Variants in TBC1D21 observed in about 807,000 individuals in gnomAD.
TBC1D21 encodes the protein TBC1 domain family member 21, also known as male germ cell Rab GTPase-activating protein.
Under a neutral mutation model 46.0 loss-of-function variants are expected in TBC1D21, and 38 were observed. The ratio of observed to expected loss-of-function variants is 0.83; its 90% CI spans 0.64 to 1.08. The LOEUF (loss-of-function observed/expected upper bound fraction) is 1.08. Among genes scored for constraint, TBC1D21 ranks in the 50% least tolerant of loss-of-function variants. The pLI is 0.00. For synonymous variants in TBC1D21, 151 were observed against 157.2 expected (o/e 0.96, Z 0.29); for missense variants, 415 against 417.9 (o/e 0.99, Z 0.06).
chr15:73,886,684 T>G (rs2068253168), intron 8 of TBC1D21, 72 bp downstream of exon 8: 4 of 1,387,284 alleles, frequency 2.9e-6, no homozygotes, highest in Middle Eastern at 2.4e-4. Context: ...CAAGTCTTCC[T>G]TGCCTCCCCC....
Position 73,873,674 on chromosome 15 carries a change from T to C in TBC1D21, c.-36T>C, listed in dbSNP as rs375394745. 3.2e-6 allele frequency: 5 copies of C among 1,584,402 alleles called. No individual in the cohort carries two copies. In the African/African-American group the frequency reaches 5.4e-5, roughly 17 times the overall value. On this transcript the variant is annotated 5_prime_UTR_variant, in exon 1 of 11. Transcript: ENST00000300504. ...AAGCATCACTAGGGCTCCAAGTGAGTTCTGATCAGAGGCTGTTCGGAAGAC... is the reference window on the plus strand; with the variant it reads ...AAGCATCACTAGGGCTCCAAGTGAGCTCTGATCAGAGGCTGTTCGGAAGAC...
At chr15:73,883,792 A>G (rs1439001237) in intron 3 of TBC1D21, among the ~76,000 whole-genome samples, 1 of 152,224 alleles carries the variant, frequency 6.6e-6, no homozygotes, top group Non-Finnish European at 1.5e-5. Flanking sequence ...CACAGGTGCC[A>G]GTATTATGCC....
chr15:73,907,361 C>T, the TBC1D21 span, among the ~76,000 whole-genome samples: 1 of 152,172 alleles, frequency 6.6e-6, no homozygotes. Context: ...GTGGGGTCTG[C>T]ATGGAAGGAA....
chr15:73,901,253 C>T, the TBC1D21 span, among the ~76,000 whole-genome samples: 156 of 152,310 alleles, frequency 1.0e-3, no homozygotes, highest in South Asian at 5.0e-3. Flanking sequence ...AGCCACATCC[C>T]CTGCACAGGG....
chr15:73,889,258 C>T (rs771447884), downstream of TBC1D21: 39 of 865,338 alleles, frequency 4.5e-5, no homozygotes, highest in Middle Eastern at 3.4e-4. Flanking sequence ...GGGGCTGGGA[C>T]GCACATGAGG....
At chr15:73,894,576 G>C in the TBC1D21 span, among the ~76,000 whole-genome samples, 1 of 152,218 alleles carries the variant, frequency 6.6e-6, no homozygotes, top group Non-Finnish European at 1.5e-5. Context: ...GTCTGCAGGG[G>C]TGAGTGTGGG....
chr15:73,907,150 C>CT, the TBC1D21 span, among the ~76,000 whole-genome samples: 316 of 96,498 alleles, frequency 3.3e-3, 1 homozygote, highest in Non-Finnish European at 5.8e-3. Flanking sequence ...TCCTCCTCCT[C>CT]TTTTTTTCCC....
the TBC1D21 span, among the ~76,000 whole-genome samples, chr15:73,899,659 T>C: frequency 3.9e-5 from 6 of 151,992 alleles, no homozygotes; most frequent in African/African-American, 1.5e-4. Context: ...GGAACAGCCG[T>C]CGCCCTTGGA....
intron 9 of TBC1D21, 52 bp downstream of exon 9, chr15:73,887,788 C>T: frequency 1.4e-6 from 2 of 1,438,506 alleles, no homozygotes; most frequent in Non-Finnish European, 1.9e-6. Flanking sequence ...GGCCCTGACA[C>T]CCCACCCCAC....
downstream of TBC1D21, among the ~76,000 whole-genome samples, chr15:73,891,282 T>C (rs895984212): frequency 6.6e-6 from 1 of 152,252 alleles, no homozygotes; most frequent in Non-Finnish European, 1.5e-5. Context: ...ACAGGAAGCA[T>C]TGAAATCCTA....
Position 73,879,849 on chromosome 15 carries a change from C to T in TBC1D21, c.61-1550C>T, listed in dbSNP as rs913694584. 4.0e-5 allele frequency among the ~76,000 whole-genome samples: 6 copies of T among 151,378 alleles called. No homozygotes were observed. In the Admixed American group the frequency reaches 4.0e-4, roughly 10 times the overall value. On this transcript the variant is annotated intron_variant, in intron 1 of 10. Coordinates refer to ENST00000300504, the MANE Select transcript of TBC1D21 (RefSeq NM_153356.3). Reference sequence around the variant, plus strand: ...TATCCCAGGAAGAAAGGAATCTTCTCTTATTCCAACAGGAACCCTCACTCC... The same window carrying T: ...TATCCCAGGAAGAAAGGAATCTTCTTTTATTCCAACAGGAACCCTCACTCC...
intron 7 of TBC1D21, 70 bp from the exon 8 acceptor site, chr15:73,886,442 C>T (rs1473007240): frequency 7.1e-7 from 1 of 1,412,564 alleles, no homozygotes; most frequent in East Asian, 2.3e-5. Flanking sequence ...GTAGTTTGGC[C>T]TCATCTGCAT....
chr15:73,909,104 G>A, the TBC1D21 span, among the ~76,000 whole-genome samples: 1 of 152,196 alleles, frequency 6.6e-6, no homozygotes, highest in Non-Finnish European at 1.5e-5. Context: ...AGGCGCAGTG[G>A]CTCACACCTG....
intron 6 of TBC1D21, among the ~76,000 whole-genome samples, chr15:73,885,406 G>A (rs1347404146): frequency 6.6e-6 from 1 of 152,108 alleles, no homozygotes; most frequent in South Asian, 2.1e-4. Context: ...CCCCAAGCAC[G>A]GTTCTCCTCC....
At chr15:73,894,223 C>A in the TBC1D21 span, among the ~76,000 whole-genome samples, 16 of 152,366 alleles carry the variant, frequency 1.1e-4, no homozygotes, top group East Asian at 3.1e-3. Context: ...CTGCCCACAG[C>A]CTCACTTGGC....
downstream of TBC1D21, among the ~76,000 whole-genome samples, chr15:73,893,661 T>C (rs896313471): frequency 2.0e-5 from 3 of 152,194 alleles, no homozygotes; most frequent in Non-Finnish European, 2.9e-5. Context: ...CCAGGGTCTG[T>C]GTTACCCCCC....
At position 73,881,404 on chromosome 15, in the gene TBC1D21, G is replaced by A. The variant is rs1167007135; in HGVS notation, c.66G>A (p.Lys22=). ...CTGGTTGCTGCTTTTGCCAGGTGAA[G>A]AGAAAACCACCCATTGACAAGACAG... The part of the protein sequence containing the change: ...ARQSASFILV[K]RKPPIDKTEW... The change falls in exon 2 of 11, where the codon AAG becomes AAA. Residue 22 remains lysine, a synonymous_variant. Coordinates refer to ENST00000300504, the MANE Select transcript of TBC1D21 (RefSeq NM_153356.3). The A allele has an allele frequency of 5.6e-6, 9 of 1,613,946 alleles. No homozygotes were observed. The Admixed American group carries it at 6.7e-5, about 12-fold the overall frequency.
chr15:73,898,880 A>AAAAAAAAAAAAAAAAAAAAAAAT, the TBC1D21 span, among the ~76,000 whole-genome samples: 1 of 56,778 alleles, frequency 1.8e-5, no homozygotes, highest in Non-Finnish European at 3.8e-5. Context: ...AAAAAAAAAA[A>AAAAAAAAAAAAAAAAAAAAAAAT]ATATATATAT....
chr15:73,904,760 G>A, the TBC1D21 span, among the ~76,000 whole-genome samples: 1 of 152,146 alleles, frequency 6.6e-6, no homozygotes, highest in African/African-American at 2.4e-5. Flanking sequence ...GGATGTGTGT[G>A]TAGAAAAGAG....
Sources: allele counts gnomAD v4.1 joint callset (sites outside exome capture counted in the v4.1 genomes callset), GRCh38; gene constraint gnomAD v4.1.1; transcripts MANE v1.5; gene names NCBI Gene and HGNC (gene_info 2026-07-23, HGNC 2026-07-21).